Variants in MACO1 observed in about 807,000 individuals in gnomAD.
MACO1 encodes the protein macoilin 1, also known as macoilin.
MACO1 carries 14 observed loss-of-function variants against 78.7 expected under a neutral mutation model. The observed-to-expected ratio is 0.18, with a 90% CI of 0.12 to 0.28. The LOEUF (loss-of-function observed/expected upper bound fraction) is 0.28, where lower values mean the gene tolerates loss of function less well. Among genes scored for constraint, MACO1 ranks in the 10% least tolerant of loss-of-function variants. The pLI is 1.00. For missense variants in MACO1, 501 were observed against 799.0 expected, an observed-to-expected ratio of 0.63 and a Z score of 4.50; for synonymous variants, 288 against 291.6, an observed-to-expected ratio of 0.99 and a Z score of 0.12.
At chr1:25,450,335 C>G (rs2043054713) in intron 3 of MACO1, among the ~76,000 whole-genome samples, 1 of 152,134 alleles carries the variant, frequency 6.6e-6, no homozygotes. Context: ...CTCCCTACTT[C>G]TTAGAGCTAT....
chr1:25,475,409 G>A (rs1288299638), intron 6 of MACO1, among the ~76,000 whole-genome samples: 1 of 151,260 alleles, frequency 6.6e-6, no homozygotes, highest in Non-Finnish European at 1.5e-5. Flanking sequence ...CTTTTTTGGA[G>A]TGACCTAAAA....
chr1:25,495,680 C>T (rs1242221730), intron 10 of MACO1, among the ~76,000 whole-genome samples: 3 of 152,214 alleles, frequency 2.0e-5, no homozygotes, highest in Non-Finnish European at 4.4e-5. Context: ...AAATGACTTT[C>T]AGGCCAGGCG....
chr1:25,500,067 T>C lies in MACO1; in HGVS notation c.*1601T>C, dbSNP rs1412970963. ...ATTTTCTCTTCTTTGTGCAAAAACA[T>C]GGAAAATTGTCACTGACTTTGTTTT... On this transcript the variant is annotated 3_prime_UTR_variant, in exon 11 of 11. Transcript: ENST00000374343. 3.9e-5 allele frequency: 6 copies of C among 152,196 alleles called. No individual in the cohort carries two copies. Among genetic ancestry groups the C allele is most frequent in the African/African-American group, 1.4e-4 (6 of 41,448 alleles). 9.4% of individuals were successfully genotyped at this position (152,196 alleles called of 1,614,324 possible). A position where few individuals can be genotyped will look rare whatever the true frequency, so the allele number is the denominator to read the frequency against.
At chr1:25,452,697 TG>T (rs1329168419) in intron 3 of MACO1, among the ~76,000 whole-genome samples, 8 of 147,778 alleles carry the variant, frequency 5.4e-5, no homozygotes, top group African/African-American at 1.1e-4. Flanking sequence ...TACGGTGAAT[TG>T]TTTTTTTTTT....
intron 3 of MACO1, among the ~76,000 whole-genome samples, chr1:25,453,296 C>T (rs1459174779): frequency 3.3e-5 from 5 of 150,984 alleles, no homozygotes; most frequent in Admixed American, 6.6e-5. Flanking sequence ...TGAGCCACTG[C>T]GCCCAGCCCA....
chr1:25,433,510 T>C (rs2042893870), intron 1 of MACO1, among the ~76,000 whole-genome samples: 1 of 152,212 alleles, frequency 6.6e-6, no homozygotes, highest in Non-Finnish European at 1.5e-5. Flanking sequence ...AGCCTTGTTT[T>C]TTTTCTGGGG....
intron 1 of MACO1, among the ~76,000 whole-genome samples, chr1:25,445,099 G>A (rs1332941329): frequency 6.9e-6 from 1 of 143,960 alleles, no homozygotes; most frequent in Non-Finnish European, 1.5e-5. Flanking sequence ...TTTGAGACCA[G>A]CCTGGGTAAC....
chr1:25,482,784 T>G (rs1021523005), intron 6 of MACO1, among the ~76,000 whole-genome samples: 10 of 152,192 alleles, frequency 6.6e-5, no homozygotes, highest in Admixed American at 3.9e-4. Flanking sequence ...CCTAGAGTTC[T>G]TCATCTGTAA....
chr1:25,448,342 C>T (rs529296608), intron 2 of MACO1, among the ~76,000 whole-genome samples: 2 of 152,146 alleles, frequency 1.3e-5, no homozygotes, highest in South Asian at 4.2e-4. Flanking sequence ...CAAGTGCCTA[C>T]AGTTGCAGCT....
chr1:25,445,092 G>C (rs2043003794), intron 1 of MACO1, among the ~76,000 whole-genome samples: 2 of 144,382 alleles, frequency 1.4e-5, no homozygotes, highest in Admixed American at 7.0e-5. Context: ...CCAGGAGTTT[G>C]AGACCAGCCT....
Position 25,444,591 on chromosome 1 carries a change from T to A in MACO1, c.81-2171T>A, listed in dbSNP as rs539925835. Reference sequence around the variant, plus strand: ...AGTCAGTTGTGTTTTTTTGTTTGTTTTTGTTTTTGTTTTGAGACAGGGTCT... The same window carrying A: ...AGTCAGTTGTGTTTTTTTGTTTGTTATTGTTTTTGTTTTGAGACAGGGTCT... On this transcript the variant is annotated intron_variant, in intron 1 of 10. Coordinates refer to ENST00000374343, the MANE Select transcript of MACO1 (RefSeq NM_018202.6). 9.9e-5 allele frequency among the ~76,000 whole-genome samples: 15 copies of A among 152,178 alleles called. No homozygotes were observed. In the East Asian group the frequency reaches 2.9e-3, roughly 30 times the overall value.
intron 4 of MACO1, 34 bp from the exon 5 acceptor site, chr1:25,456,619 C>T (rs762430095): frequency 3.5e-5 from 56 of 1,599,860 alleles, no homozygotes; most frequent in Middle Eastern, 1.7e-4. Flanking sequence ...TCATTTTAAA[C>T]CTACAATTAC....
intron 3 of MACO1, among the ~76,000 whole-genome samples, chr1:25,452,557 C>T (rs1237537704): frequency 1.3e-5 from 2 of 152,140 alleles, no homozygotes; most frequent in East Asian, 1.9e-4. Context: ...TTTTTTATGT[C>T]ATTCCATGAC....
At chr1:25,478,449 A>G (rs1357636035) in intron 6 of MACO1, among the ~76,000 whole-genome samples, 1 of 152,206 alleles carries the variant, frequency 6.6e-6, no homozygotes, top group Non-Finnish European at 1.5e-5. Flanking sequence ...AATCATTTAC[A>G]TTACAGTTTA....
intron 5 of MACO1, among the ~76,000 whole-genome samples, chr1:25,457,759 C>T (rs2043133876): frequency 6.6e-6 from 1 of 152,040 alleles, no homozygotes; most frequent in South Asian, 2.1e-4. Context: ...TCAAAATTTT[C>T]TTTTTGTGTG....
chr1:25,489,788 A>G (rs1164599079), intron 9 of MACO1, among the ~76,000 whole-genome samples: 1 of 152,200 alleles, frequency 6.6e-6, no homozygotes, highest in African/African-American at 2.4e-5. Flanking sequence ...CATTTAAACT[A>G]ATGTCATATA....
intron 6 of MACO1, among the ~76,000 whole-genome samples, chr1:25,466,592 C>T (rs1190547383): frequency 2.0e-5 from 3 of 152,196 alleles, no homozygotes; most frequent in Non-Finnish European, 2.9e-5. Context: ...GGATTACAGG[C>T]GTGAGCCACC....
At chr1:25,442,288 A>C (rs1042332718) in intron 1 of MACO1, among the ~76,000 whole-genome samples, 6 of 152,350 alleles carry the variant, frequency 3.9e-5, no homozygotes, top group African/African-American at 1.2e-4. Context: ...AACAGAAAAG[A>C]TAAAGCAGTT....
Position 25,448,811 on chromosome 1 carries a change from T to C in MACO1, c.226T>C (p.Phe76Leu). Residue 76 changes from phenylalanine to leucine, a missense_variant, in exon 3 of 11, where the codon TTC becomes CTC. Transcript: ENST00000374343. The part of the protein sequence containing the change: ...YDSFRYQGLA[F>L]SVFFVCVAFT... The stretch of plus-strand genomic sequence containing the variant: ...TTTGTTTTATTTTTCCCTTTAGGCC[T>C]TCTCAGTATTTTTTGTTTGTGTAGC... 2 of 1,541,680 alleles carry C rather than the reference T, an allele frequency of 1.3e-6. No individual in the cohort carries two copies. Among genetic ancestry groups the C allele is most frequent in the Non-Finnish European group, 1.8e-6 (2 of 1,130,308 alleles).
Sources: gnomAD v4.1 joint callset for allele counts (sites outside exome capture counted in the v4.1 genomes callset) on GRCh38, gnomAD v4.1.1 for gene constraint, MANE v1.5 for transcripts, NCBI Gene and HGNC (gene_info 2026-07-23, HGNC 2026-07-21) for gene names.